The following ANKRD50 variants were observed in gnomAD, a reference collection of about 807,000 sequenced individuals.
The protein encoded by ANKRD50 is ankyrin repeat domain-containing protein 50.
Under a neutral mutation model 112.0 loss-of-function variants are expected in ANKRD50, and 40 were observed. That is an observed-to-expected ratio of 0.36 (90% CI 0.28 to 0.46). The LOEUF (loss-of-function observed/expected upper bound fraction) is 0.46. Ranked by LOEUF, ANKRD50 falls within the 20% of genes least tolerant of loss-of-function variation. The pLI is 1.00. For synonymous variants in ANKRD50, 613 were observed against 619.1 expected (o/e 0.99, Z 0.15); for missense variants, 1,487 against 1,701.7 (o/e 0.87, Z 2.22).
chr4:124,701,007 C>T (rs1261876807), intron 2 of ANKRD50, among the ~76,000 whole-genome samples: 3 of 152,142 alleles, frequency 2.0e-5, no homozygotes, highest in Non-Finnish European at 4.4e-5. Context: ...TCTTGTTGCC[C>T]AGGCTGGGGT....
At chr4:124,701,630 A>G (rs951361571) in intron 2 of ANKRD50, among the ~76,000 whole-genome samples, 2 of 152,194 alleles carry the variant, frequency 1.3e-5, no homozygotes, top group African/African-American at 4.8e-5. Context: ...GGTCAAAGAC[A>G]CTAGTAAAAC....
chr4:124,703,000 T>C (rs917443178), intron 2 of ANKRD50, among the ~76,000 whole-genome samples: 14 of 151,938 alleles, frequency 9.2e-5, no homozygotes, highest in South Asian at 4.2e-4. Context: ...GCAGATTTGA[T>C]TGCTAATAAG....
In ANKRD50 at chr4:124,689,995, T is replaced by C. The variant is rs930747605; in HGVS notation, c.513-11090A>G. 2.6e-5 allele frequency among the ~76,000 whole-genome samples: 4 copies of C among 152,334 alleles called. No individual in the cohort carries two copies. In the South Asian group the frequency reaches 6.2e-4, roughly 24 times the overall value. On this transcript the variant is annotated intron_variant, in intron 2 of 4. Coordinates refer to ENST00000504087, the MANE Select transcript of ANKRD50 (RefSeq NM_020337.3). ...AACATTTATATCTTCCCACCCACTT[T>C]TGCAGTATTAGTCTATTCTTACCAT... is the stretch of plus-strand genomic sequence containing the variant.
Position 124,711,135 on chromosome 4 carries a change from G to A in ANKRD50, c.-624C>T. ...TCAGATTATAGTCTCTTATGTGGCA[G>A]AAATGACAACCACTGTTAACACCTT... On this transcript the variant is annotated 5_prime_UTR_variant, in exon 2 of 5. Transcript: ENST00000504087. 1 of 187,926 alleles carries A rather than the reference G, an allele frequency of 5.3e-6. No homozygotes were observed. The highest frequency in any genetic ancestry group is 1.1e-5 in the Non-Finnish European group (1 of 92,304). 11.6% of individuals were successfully genotyped at this position (187,926 alleles called of 1,614,324 possible).
intron 3 of ANKRD50, among the ~76,000 whole-genome samples, chr4:124,674,760 T>G (rs543285725): frequency 3.9e-5 from 6 of 151,940 alleles, no homozygotes; most frequent in Admixed American, 1.3e-4. Flanking sequence ...ACAGAGAATT[T>G]ATAATTTAGA....
intron 2 of ANKRD50, among the ~76,000 whole-genome samples, chr4:124,692,105 A>G (rs1725152099): frequency 6.6e-6 from 1 of 152,230 alleles, no homozygotes; most frequent in African/African-American, 2.4e-5. Context: ...ACATAAATGA[A>G]TTTCATGTTT....
intron 2 of ANKRD50, among the ~76,000 whole-genome samples, chr4:124,698,260 A>G (rs1225516278): frequency 1.3e-5 from 2 of 152,182 alleles, no homozygotes; most frequent in Non-Finnish European, 2.9e-5. Context: ...CTCTACATCC[A>G]TAGTTAATGT....
chr4:124,707,852 A>T (rs1312944655), intron 2 of ANKRD50, among the ~76,000 whole-genome samples: 2 of 152,280 alleles, frequency 1.3e-5, no homozygotes, highest in African/African-American at 4.8e-5. Flanking sequence ...TAAAAGAAAC[A>T]ATTGAATAAA....
In ANKRD50 at chr4:124,670,316, A is replaced by G. The variant is rs775056502; in HGVS notation, c.2961T>C (p.Cys987=). The change falls in exon 4 of 5, where the codon TGT becomes TGC. Residue 987 remains cysteine, a synonymous_variant. Transcript: ENST00000504087. ...GCACCATTTCCATATGGCCTTGCCA[A>G]CAAGACACATGAAGTGCTGTCCTTC... ...AEGRTALHVS[C]WQGHMEMVQV... 79 of 1,613,840 alleles carry G rather than the reference A, an allele frequency of 4.9e-5. No homozygotes were observed. Among genetic ancestry groups the G allele is most frequent in the Non-Finnish European group, 5.9e-5 (70 of 1,179,904 alleles).
chr4:124,693,447 T>A (rs1487072240), intron 2 of ANKRD50, among the ~76,000 whole-genome samples: 1 of 152,168 alleles, frequency 6.6e-6, no homozygotes, highest in African/African-American at 2.4e-5. Flanking sequence ...ATCAAGGGTC[T>A]AATTACCTAT....
chr4:124,704,055 A>G (rs765797933), intron 2 of ANKRD50, among the ~76,000 whole-genome samples: 1 of 152,202 alleles, frequency 6.6e-6, no homozygotes, highest in African/African-American at 2.4e-5. Context: ...AATAAACAGA[A>G]GTTTGTATCT....
At chr4:124,673,088 C>A (rs1256683442) in intron 3 of ANKRD50, among the ~76,000 whole-genome samples, 1 of 152,108 alleles carries the variant, frequency 6.6e-6, no homozygotes, top group East Asian at 1.9e-4. Flanking sequence ...AACTAAATCT[C>A]AGACCATCAA....
chr4:124,678,912 AAC>A lies in ANKRD50; in HGVS notation c.513-9_513-8del. 6.3e-7 allele frequency: 1 copy of A among 1,577,958 alleles called. No homozygotes were observed. Among genetic ancestry groups the A allele is most frequent in the South Asian group, 1.1e-5 (1 of 90,090 alleles). On this transcript the variant is annotated splice_region_variant and splice_polypyrimidine_tract_variant and intron_variant, in intron 2 of 4. Coordinates refer to ENST00000504087, the MANE Select transcript of ANKRD50 (RefSeq NM_020337.3). Reference sequence around the variant, plus strand: ...AAGAGGGAGTAGAACACACCTGTAAAACACATACACATGAGCATTTTGAATGT... The same window carrying A: ...AAGAGGGAGTAGAACACACCTGTAAAACATACACATGAGCATTTTGAATGT...
At chr4:124,709,818 C>T (rs1725588006) in intron 2 of ANKRD50, among the ~76,000 whole-genome samples, 182 bp downstream of exon 2, 1 of 152,056 alleles carries the variant, frequency 6.6e-6, no homozygotes, top group Non-Finnish European at 1.5e-5. Flanking sequence ...CTGTGCAATA[C>T]CAAAACCTAA....
chr4:124,668,535 C>A (rs1194447050), intron 4 of ANKRD50, among the ~76,000 whole-genome samples: 2 of 152,020 alleles, frequency 1.3e-5, no homozygotes, highest in Non-Finnish European at 2.9e-5. Context: ...GAGGACATAA[C>A]TGAATAGGAA....
chr4:124,707,401 C>G (rs1009958605), intron 2 of ANKRD50, among the ~76,000 whole-genome samples: 1 of 151,928 alleles, frequency 6.6e-6, no homozygotes, highest in Non-Finnish European at 1.5e-5. Context: ...AAAGTAGAAG[C>G]CTAGATAATG....
intron 2 of ANKRD50, among the ~76,000 whole-genome samples, chr4:124,682,322 CAAAAAAAAAAA>C (rs36107017): frequency 2.5e-3 from 223 of 87,596 alleles, no homozygotes; most frequent in African/African-American, 9.4e-3. Context: ...GACTCCGTCT[CAAAAAAAAAAA>C]AAAAAAAAAA....
intron 2 of ANKRD50, among the ~76,000 whole-genome samples, chr4:124,687,788 G>A (rs562018021): frequency 1.3e-5 from 2 of 152,218 alleles, no homozygotes; most frequent in Non-Finnish European, 2.9e-5. Context: ...CATTAGAGAA[G>A]TTCAAATTAA....
Position 124,671,506 on chromosome 4 carries a change from T to C in ANKRD50, c.1771A>G (p.Thr591Ala). Reference sequence around the variant, plus strand: ...CCAATCAAACAATTAACCACCTTGGTATGTCCCTGTCTAGCCGCTAGAGTG... The same window carrying C: ...CCAATCAAACAATTAACCACCTTGGCATGTCCCTGTCTAGCCGCTAGAGTG... ...PLTLAARQGH[T>A]KVVNCLIGCG... The change falls in exon 4 of 5, where the codon ACC becomes GCC. Residue 591 changes from threonine to alanine, a missense_variant. Transcript: ENST00000504087. The C allele has an allele frequency of 6.2e-7, 1 of 1,613,768 alleles. No homozygotes were observed. The highest frequency in any genetic ancestry group is 8.5e-7 in the Non-Finnish European group (1 of 1,179,824).
Sources: gnomAD v4.1 joint callset for allele counts (sites outside exome capture counted in the v4.1 genomes callset) on GRCh38, gnomAD v4.1.1 for gene constraint, MANE v1.5 for transcripts, NCBI Gene and HGNC (gene_info 2026-07-23, HGNC 2026-07-21) for gene names.